The following MKKS variants were observed in gnomAD, a reference collection of about 807,000 sequenced individuals.
The protein encoded by MKKS is MKKS centrosomal shuttling protein, also known as molecular chaperone MKKS.
Under a neutral mutation model 33.2 loss-of-function variants are expected in MKKS, and 29 were observed. That is an observed-to-expected ratio of 0.87 (90% CI 0.65 to 1.19). The LOEUF (loss-of-function observed/expected upper bound fraction) is 1.19. Ranked by LOEUF, MKKS falls within the 50% of genes most tolerant of loss-of-function variation. The pLI is 0.00. For synonymous variants in MKKS, 260 were observed against 244.0 expected (o/e 1.07, Z -0.61); for missense variants, 661 against 662.3 (o/e 1.00, Z 0.02).
At chr20:10,408,130 TAAAA>T (rs1182006760) in intron 4 of MKKS, among the ~76,000 whole-genome samples, 1 of 152,154 alleles carries the variant, frequency 6.6e-6, no homozygotes, top group African/African-American at 2.4e-5. Context: ...CAATAATAAA[TAAAA>T]AATCACACAG....
rs1476614515 is a variant in MKKS, at chr20:10,404,942, A to G, written c.*305T>C. 9.5e-6 allele frequency: 2 copies of G among 209,470 alleles called. No individual in the cohort carries two copies. The highest frequency in any genetic ancestry group is 1.0e-4 in the Admixed American group (2 of 19,192). 13.0% of individuals were successfully genotyped at this position (209,470 alleles called of 1,614,324 possible). A position where few individuals can be genotyped will look rare whatever the true frequency, so the allele number is the denominator to read the frequency against. On this transcript the variant is annotated 3_prime_UTR_variant, in exon 6 of 6. Transcript: ENST00000347364. ...AGAGCATGGATTAGGAGTCTTTTTT[A>G]TTTGTTTGCTCTCAAAATGATGCCA... is the stretch of plus-strand genomic sequence containing the variant.
At chr20:10,431,425 CAAG>C (rs1301082948) in intron 1 of MKKS, among the ~76,000 whole-genome samples, 2 of 151,914 alleles carry the variant, frequency 1.3e-5, no homozygotes, top group South Asian at 2.1e-4. Flanking sequence ...GGGGAACTAC[CAAG>C]AAGAGTAAGG....
At position 10,413,353 on chromosome 20, in the gene MKKS, C is replaced by A; in HGVS notation, c.162G>T (p.Val54=). 2 of 1,613,972 alleles carry A rather than the reference C, an allele frequency of 1.2e-6. No individual in the cohort carries two copies. The highest frequency in any genetic ancestry group is 1.7e-6 in the Non-Finnish European group (2 of 1,179,842). Residue 54 remains valine, a synonymous_variant, in exon 3 of 6, where the codon GTG becomes GTT. Coordinates refer to ENST00000347364, the MANE Select transcript of MKKS (RefSeq NM_170784.3). The part of the protein sequence containing the change: ...KQLHNGFGGY[V]CTTSQSSALL... ...GAGCTGAGGACTGTGAGGTTGTACA[C>A]ACGTAACCTCCAAAGCCATTGTGCA...
At position 10,413,471 on chromosome 20, in the gene MKKS, T is replaced by C; in HGVS notation, c.44A>G (p.Glu15Gly). ...CCTGACTCTCTCAGTTGTCAGTGGTTCACTCTTACACAATGATGGCTTCTT... is the reference window on the plus strand; with the variant it reads ...CCTGACTCTCTCAGTTGTCAGTGGTCCACTCTTACACAATGATGGCTTCTT... ...EAKKPSLCKS[E>G]PLTTERVRTT... Residue 15 changes from glutamate (E) to glycine (G), a missense_variant, in exon 3 of 6, where the codon GAA becomes GGA. Coordinates refer to ENST00000347364, the MANE Select transcript of MKKS (RefSeq NM_170784.3). 6.2e-7 allele frequency: 1 copy of C among 1,614,222 alleles called. No individual in the cohort carries two copies. The highest frequency in any genetic ancestry group is 8.5e-7 in the Non-Finnish European group (1 of 1,180,022).
At chr20:10,418,679 A>T (rs1321954245) in intron 2 of MKKS, among the ~76,000 whole-genome samples, 1 of 152,112 alleles carries the variant, frequency 6.6e-6, no homozygotes, top group Non-Finnish European at 1.5e-5. Flanking sequence ...TTTTCCTCCA[A>T]GAGTATTTCT....
At chr20:10,414,163 CACA>C (rs1253779567) in intron 2 of MKKS, among the ~76,000 whole-genome samples, 2 of 151,900 alleles carry the variant, frequency 1.3e-5, no homozygotes, top group East Asian at 1.9e-4. Context: ...TTCTGTAAGG[CACA>C]ACAACATGGC....
chr20:10,413,346 T>C lies in MKKS; in HGVS notation c.169A>G (p.Thr57Ala), dbSNP rs74315399. The C allele has an allele frequency of 8.7e-6, 14 of 1,613,934 alleles. No individual in the cohort carries two copies. The highest frequency in any genetic ancestry group is 6.7e-5 in the Admixed American group (4 of 59,992). ...CTGAGCAGAGCTGAGGACTGTGAGGTTGTACACACGTAACCTCCAAAGCCA... is the reference window on the plus strand; with the variant it reads ...CTGAGCAGAGCTGAGGACTGTGAGGCTGTACACACGTAACCTCCAAAGCCA... ...HNGFGGYVCT[T>A]SQSSALLSHL... The change falls in exon 3 of 6, where the codon ACC becomes GCC. Residue 57 changes from threonine to alanine, a missense_variant. Physicochemically the swap from Thr to Ala is moderately conservative, Grantham distance 58 (BLOSUM62 0). Coordinates refer to ENST00000347364, the MANE Select transcript of MKKS (RefSeq NM_170784.3).
At position 10,402,544 on chromosome 20, in the gene MKKS, G is replaced by C. The variant is rs2064816080; in HGVS notation, c.*2703C>G. 1 of 152,148 alleles carries C rather than the reference G, an allele frequency of 6.6e-6. No individual in the cohort carries two copies. The highest frequency in any genetic ancestry group is 1.5e-5 in the Non-Finnish European group (1 of 68,032). 9.4% of individuals were successfully genotyped at this position (152,148 alleles called of 1,614,324 possible). On this transcript the variant is annotated 3_prime_UTR_variant, in exon 6 of 6. Transcript: ENST00000347364. ...GAGCATTGATGTTTCACTAAGGAATGTAATCAAATTGTATGGCAAAGCTAA... is the reference window on the plus strand; with the variant it reads ...GAGCATTGATGTTTCACTAAGGAATCTAATCAAATTGTATGGCAAAGCTAA...
intron 2 of MKKS, among the ~76,000 whole-genome samples, chr20:10,417,085 T>TA (rs1364282293): frequency 8.6e-5 from 13 of 151,780 alleles, no homozygotes; most frequent in East Asian, 1.9e-4. Context: ...CTGTCTCTAC[T>TA]AAAAAAATAC....
chr20:10,407,793 C>A, intron 4 of MKKS, 67 bp from the exon 5 acceptor site: 1 of 1,184,844 alleles, frequency 8.4e-7, no homozygotes, highest in South Asian at 1.3e-5. Flanking sequence ...AAATCATGCT[C>A]TCAAAGCATC....
At chr20:10,420,251 C>T (rs941594670) in intron 2 of MKKS, among the ~76,000 whole-genome samples, 1 of 152,108 alleles carries the variant, frequency 6.6e-6, no homozygotes, top group Non-Finnish European at 1.5e-5. Context: ...GGTAAGGAGT[C>T]AGGGGCTCCT....
Position 10,405,528 on chromosome 20 carries a change from A to G in MKKS, c.1432T>C (p.Trp478Arg), listed in dbSNP as rs1448828418. 7 of 1,614,204 alleles carry G rather than the reference A, an allele frequency of 4.3e-6. No homozygotes were observed. Among genetic ancestry groups the G allele is most frequent in the African/African-American group, 1.3e-5 (1 of 75,056 alleles). The part of the protein sequence containing the change: ...ILTDMKYGHL[W>R]SVQADSPCVA... ...CAGGGAGAATCTGCCTGAACTGACC[A>G]AAGGTGTCCATACTTCATGTCAGTG... The change falls in exon 6 of 6, where the codon TGG (tryptophan) becomes CGG (arginine). Residue 478 changes from tryptophan (W) to arginine (R), a missense_variant. By Grantham distance (101) the Trp-to-Arg change is moderately radical. Transcript: ENST00000347364.
intron 3 of MKKS, among the ~76,000 whole-genome samples, chr20:10,411,636 T>C (rs1265866189): frequency 1.3e-5 from 2 of 151,922 alleles, no homozygotes; most frequent in South Asian, 2.1e-4. Flanking sequence ...TATTCAACAC[T>C]TGGCATACAT....
chr20:10,419,268 A>G (rs528221365), intron 2 of MKKS, among the ~76,000 whole-genome samples: 1 of 152,310 alleles, frequency 6.6e-6, no homozygotes, highest in East Asian at 1.9e-4. Flanking sequence ...TTACAGGGTC[A>G]CAGTTCTTTA....
rs954693377 is a variant in MKKS at position 10,404,678 on chromosome 20, T to C, written c.*569A>G. 1 of 152,230 alleles carries C rather than the reference T, an allele frequency of 6.6e-6. No individual in the cohort carries two copies. Among genetic ancestry groups the C allele is most frequent in the Non-Finnish European group, 1.5e-5 (1 of 68,084 alleles). The allele number at this position is 152,230 out of a possible 1,614,324, so 9.4% of individuals were successfully genotyped here. Reference sequence around the variant, plus strand: ...AAATAACAAAAATGTGGAGTTGTGATATAAACTACAAATTGCAGGCAAACC... The same window carrying C: ...AAATAACAAAAATGTGGAGTTGTGACATAAACTACAAATTGCAGGCAAACC... On this transcript the variant is annotated 3_prime_UTR_variant, in exon 6 of 6. Coordinates refer to ENST00000347364, the MANE Select transcript of MKKS (RefSeq NM_170784.3).
At chr20:10,412,447 C>A (rs2064895944) in intron 3 of MKKS, 83 bp downstream of exon 3, 1 of 1,382,560 alleles carries the variant, frequency 7.2e-7, no homozygotes, top group Non-Finnish European at 1.0e-6. Flanking sequence ...AAGATGTTAA[C>A]AGTGACACAA....
chr20:10,431,875 C>T (rs1454644585), intron 1 of MKKS: 3 of 152,258 alleles, frequency 2.0e-5, no homozygotes, highest in African/African-American at 7.2e-5. Flanking sequence ...TCAGATGTCA[C>T]CTACTCAGAG....
rs1160612585 is a variant in MKKS, at chr20:10,401,762, C to T, written c.*3485G>A. The T allele has an allele frequency of 6.6e-6, 1 of 152,076 alleles. No individual in the cohort carries two copies. The highest frequency in any genetic ancestry group is 2.4e-5 in the African/African-American group (1 of 41,412). 9.4% of individuals were successfully genotyped at this position (152,076 alleles called of 1,614,324 possible). ...AAATGCCTAAGTAGCTTTGATAATA[C>T]AAACCAAATGAGTTCAAGGATACCT... On this transcript the variant is annotated 3_prime_UTR_variant, in exon 6 of 6. Transcript: ENST00000347364.
At chr20:10,426,366 T>G (rs2065014687) in intron 1 of MKKS, among the ~76,000 whole-genome samples, 1 of 152,186 alleles carries the variant, frequency 6.6e-6, no homozygotes, top group Admixed American at 6.5e-5. Context: ...CCCTTGAGGA[T>G]CACTGAGGTC....
Sources: allele counts gnomAD v4.1 joint callset (sites outside exome capture counted in the v4.1 genomes callset), GRCh38; gene constraint gnomAD v4.1.1; transcripts MANE v1.5; gene names NCBI Gene and HGNC (gene_info 2026-07-23, HGNC 2026-07-21).